Variants in ZNF248 observed in about 807,000 individuals in gnomAD.
The protein encoded by ZNF248 is zinc finger protein 248.
A neutral mutation model predicts 44.3 loss-of-function variants in ZNF248; 20 were observed. That is an observed-to-expected ratio of 0.45 (90% CI 0.32 to 0.66). ZNF248 has a LOEUF of 0.66. ZNF248 is among the 30% of genes least tolerant of loss of function. The pLI is 0.04. For missense variants in ZNF248, 654 were observed against 677.0 expected, an observed-to-expected ratio of 0.97 and a Z score of 0.38; for synonymous variants, 224 against 229.0, an observed-to-expected ratio of 0.98 and a Z score of 0.20.
At chr10:37,796,738 G>A (rs1417713113) in intron 6 of ZNF248, among the ~76,000 whole-genome samples, 2 of 145,918 alleles carry the variant, frequency 1.4e-5, no homozygotes, top group African/African-American at 5.1e-5. Context: ...AAATAATATT[G>A]TTTAATTCGA....
At chr10:37,795,996 T>C (rs2049109397) in intron 6 of ZNF248, 1 of 152,200 alleles carries the variant, frequency 6.6e-6, no homozygotes, top group African/African-American at 2.4e-5. Context: ...TTTACGTTTG[T>C]TATGAATTGG....
downstream of ZNF248, among the ~76,000 whole-genome samples, chr10:37,772,627 T>C (rs2046304290): frequency 6.6e-6 from 1 of 152,170 alleles, no homozygotes; most frequent in Admixed American, 6.5e-5. Context: ...TTAAGGCAAG[T>C]CTTCTATGAG....
intron 6 of ZNF248, among the ~76,000 whole-genome samples, chr10:37,786,920 A>G (rs368376662): frequency 9.9e-5 from 15 of 152,276 alleles, no homozygotes; most frequent in African/African-American, 3.6e-4. Context: ...TTTAGGTGTC[A>G]TGTCTAAGAA....
chr10:37,812,030 G>A (rs997648388), intron 6 of ZNF248, among the ~76,000 whole-genome samples: 1 of 151,918 alleles, frequency 6.6e-6, no homozygotes, highest in Admixed American at 6.6e-5. Flanking sequence ...GAGCCCAGGA[G>A]TTCGAGACCA....
At chr10:37,827,205 G>A (rs138923040), downstream of ZNF248, among the ~76,000 whole-genome samples, 4 of 152,224 alleles carry the variant, frequency 2.6e-5, no homozygotes, top group Non-Finnish European at 5.9e-5. Context: ...AATAGGGCAA[G>A]CCTTTACTAG....
intron 6 of ZNF248, among the ~76,000 whole-genome samples, chr10:37,811,949 C>T (rs2051578416): frequency 6.6e-6 from 1 of 150,906 alleles, no homozygotes; most frequent in Non-Finnish European, 1.5e-5. Context: ...AAGAAAATCA[C>T]TGAGGGTTTG....
At chr10:37,785,846 G>A (rs938726733) in intron 6 of ZNF248, among the ~76,000 whole-genome samples, 6 of 152,238 alleles carry the variant, frequency 3.9e-5, no homozygotes, top group South Asian at 4.1e-4. Flanking sequence ...AGATTGATTG[G>A]TTGGAACAGG....
In ZNF248 at chr10:37,830,314, A is replaced by G. The variant is rs139832236; in HGVS notation, c.*1301T>C. 6.5e-4 allele frequency: 638 copies of G among 985,376 alleles called. 2 individuals carry two copies. The African/African-American group carries it at 0.01, about 16-fold the overall frequency. 61.0% of individuals were successfully genotyped at this position (985,376 alleles called of 1,614,324 possible). On this transcript the variant is annotated 3_prime_UTR_variant, in exon 6 of 6. Coordinates refer to ENST00000395867, the MANE Select transcript of ZNF248 (RefSeq NM_021045.3). Reference sequence around the variant, plus strand: ...TGTTTAACTTCTTTACTGAAGTGATAGTTCAATAATGGCCATATTCATGCA... The same window carrying G: ...TGTTTAACTTCTTTACTGAAGTGATGGTTCAATAATGGCCATATTCATGCA...
chr10:37,818,973 C>A (rs2053017120), intron 6 of ZNF248: 1 of 1,059,992 alleles, frequency 9.4e-7, no homozygotes, highest in East Asian at 2.4e-5. Flanking sequence ...CTTTCTCAAC[C>A]ACAAAACTCT....
At chr10:37,774,976 G>A (rs968161757), downstream of ZNF248, among the ~76,000 whole-genome samples, 18 of 151,850 alleles carry the variant, frequency 1.2e-4, no homozygotes, top group African/African-American at 4.4e-4. Context: ...TCACCATGTG[G>A]CCAAGCTGGT....
chr10:37,850,067 T>C (rs559729995), intron 3 of ZNF248, among the ~76,000 whole-genome samples: 1 of 152,148 alleles, frequency 6.6e-6, no homozygotes, highest in Admixed American at 6.6e-5. Flanking sequence ...TAAGAGACTC[T>C]GTCTTAAAAA....
At chr10:37,848,435 T>G (rs2059679817) in intron 3 of ZNF248, among the ~76,000 whole-genome samples, 2 of 151,154 alleles carry the variant, frequency 1.3e-5, no homozygotes, top group Non-Finnish European at 2.9e-5. Context: ...ACACAAAAAT[T>G]AGCCATTCAT....
chr10:37,769,317 C>T, the ZNF248 span, among the ~76,000 whole-genome samples: 1 of 151,970 alleles, frequency 6.6e-6, no homozygotes, highest in African/African-American at 2.4e-5. Context: ...GAAAAACAAC[C>T]AAAAAAGAGA....
At chr10:37,786,187 A>G (rs1446971842) in intron 6 of ZNF248, among the ~76,000 whole-genome samples, 1 of 152,256 alleles carries the variant, frequency 6.6e-6, no homozygotes, top group Non-Finnish European at 1.5e-5. Flanking sequence ...AGAGCACTCA[A>G]TATATTACCA....
intron 6 of ZNF248, among the ~76,000 whole-genome samples, chr10:37,794,035 T>A (rs963619549): frequency 6.6e-6 from 1 of 152,228 alleles, no homozygotes; most frequent in Non-Finnish European, 1.5e-5. Context: ...ATACAAGGTT[T>A]TTTTTATTGA....
chr10:37,789,669 T>C (rs2048280176), intron 6 of ZNF248, among the ~76,000 whole-genome samples: 2 of 152,162 alleles, frequency 1.3e-5, no homozygotes, highest in Admixed American at 1.3e-4. Flanking sequence ...TCTGGTACCT[T>C]TATTGTAAAA....
chr10:37,811,126 A>T (rs534607798), intron 6 of ZNF248, among the ~76,000 whole-genome samples: 2 of 152,370 alleles, frequency 1.3e-5, no homozygotes, highest in African/African-American at 4.8e-5. Flanking sequence ...GAGAAAAGTC[A>T]TGATATTACA....
chr10:37,849,645 C>T (rs951760702), intron 3 of ZNF248, among the ~76,000 whole-genome samples: 1 of 151,726 alleles, frequency 6.6e-6, no homozygotes, highest in African/African-American at 2.4e-5. Context: ...GGAGAGCACA[C>T]CACTGCACTC....
intron 3 of ZNF248, among the ~76,000 whole-genome samples, chr10:37,853,760 T>C (rs2060756184): frequency 1.3e-5 from 2 of 152,190 alleles, no homozygotes; most frequent in East Asian, 3.9e-4. Flanking sequence ...AGTGAAAATA[T>C]CCTTCAAAAT....
Sources: allele counts gnomAD v4.1 joint callset (sites outside exome capture counted in the v4.1 genomes callset), GRCh38; gene constraint gnomAD v4.1.1; transcripts MANE v1.5; gene names NCBI Gene and HGNC (gene_info 2026-07-23, HGNC 2026-07-21).